The following TFDP2 variants were observed in gnomAD, a reference collection of about 807,000 sequenced individuals.
The protein encoded by TFDP2 is transcription factor Dp-2.
TFDP2 carries 17 observed loss-of-function variants against 59.3 expected under a neutral mutation model. The ratio of observed to expected loss-of-function variants is 0.29; its 90% confidence interval spans 0.20 to 0.43. The LOEUF is 0.43. Among genes scored for constraint, TFDP2 ranks in the 20% least tolerant of loss-of-function variants. The pLI, the probability that TFDP2 is intolerant of heterozygous loss-of-function variation, is 1.00. For synonymous variants in TFDP2, 180 were observed against 194.7 expected, an observed-to-expected ratio of 0.92 and a Z score of 0.63; for missense variants, 391 against 528.8, an observed-to-expected ratio of 0.74 and a Z score of 2.56.
intron 3 of TFDP2, among the ~76,000 whole-genome samples, chr3:142,050,511 C>T (rs1947569698): frequency 6.6e-6 from 1 of 151,754 alleles, no homozygotes; most frequent in South Asian, 2.1e-4. Context: ...CTGGCTAACA[C>T]GGTGAAACCC....
In TFDP2 at chr3:141,993,682, A is replaced by G. The variant is rs998411241; in HGVS notation, c.309-97T>C. On this transcript the variant is annotated intron_variant, in intron 5 of 12. Coordinates refer to ENST00000489671, the MANE Select transcript of TFDP2 (RefSeq NM_001178139.2). ...ATAACTTGTCTAAAATTATACACTGAATATATTCAAAGACTAAAACTAGCA... is the reference window on the plus strand; with the variant it reads ...ATAACTTGTCTAAAATTATACACTGGATATATTCAAAGACTAAAACTAGCA... 6.5e-6 allele frequency: 4 copies of G among 618,550 alleles called. No homozygotes were observed. The African/African-American group carries it at 7.7e-5, about 12-fold the overall frequency. 38.3% of individuals were successfully genotyped at this position (618,550 alleles called of 1,614,324 possible). A position where few individuals can be genotyped will look rare whatever the true frequency, so the allele number is the denominator to read the frequency against.
chr3:141,959,883 G>A (rs771203085), intron 10 of TFDP2, 43 bp from the exon 11 acceptor site: 27 of 1,602,554 alleles, frequency 1.7e-5, no homozygotes, highest in Admixed American at 3.4e-5. Context: ...TGGTGCTGGA[G>A]AGGTCTGAAT....
chr3:141,973,480 G>C (rs574811123), intron 8 of TFDP2, among the ~76,000 whole-genome samples: 25 of 152,058 alleles, frequency 1.6e-4, no homozygotes, highest in Non-Finnish European at 3.5e-4. Context: ...TGCTCATTTA[G>C]GAAGAGTTTT....
At chr3:142,064,724 A>G (rs1188488053) in intron 3 of TFDP2, among the ~76,000 whole-genome samples, 3 of 152,174 alleles carry the variant, frequency 2.0e-5, no homozygotes, top group Non-Finnish European at 4.4e-5. Flanking sequence ...AATGTAAAAC[A>G]ACGTCACTGA....
intron 4 of TFDP2, among the ~76,000 whole-genome samples, chr3:142,002,921 C>T (rs1159719764): frequency 5.9e-5 from 9 of 152,050 alleles, no homozygotes; most frequent in African/African-American, 2.2e-4. Flanking sequence ...ATTCAGAAGG[C>T]TCACTCTCTG....
chr3:142,028,408 C>A (rs1946246118), intron 3 of TFDP2, among the ~76,000 whole-genome samples: 1 of 149,752 alleles, frequency 6.7e-6, no homozygotes, highest in Admixed American at 6.7e-5. Flanking sequence ...CCCCCCCCAC[C>A]CCAACCCCCA....
chr3:142,074,824 C>T (rs751846602), intron 3 of TFDP2, among the ~76,000 whole-genome samples: 4 of 151,990 alleles, frequency 2.6e-5, no homozygotes, highest in Non-Finnish European at 5.9e-5. Flanking sequence ...TGCATTCCAG[C>T]GTGGGCGACA....
In TFDP2 at chr3:142,101,836, A is replaced by C. The variant is rs893162239; in HGVS notation, c.-87T>G. On this transcript the variant is annotated 5_prime_UTR_variant, in exon 2 of 13. Transcript: ENST00000489671. ...TTCGTCTTCAATAATTCTTTAAAAG[A>C]ACAACCTGTTAAAGGAAAACAGAGG... The C allele has an allele frequency of 1.3e-5, 10 of 757,378 alleles. No individual in the cohort carries two copies. Among genetic ancestry groups the C allele is most frequent in the Non-Finnish European group, 1.6e-5 (8 of 506,316 alleles). 46.9% of individuals were successfully genotyped at this position (757,378 alleles called of 1,614,324 possible).
chr3:141,986,114 C>G (rs1385141851), intron 6 of TFDP2, among the ~76,000 whole-genome samples: 1 of 152,154 alleles, frequency 6.6e-6, no homozygotes, highest in Non-Finnish European at 1.5e-5. Flanking sequence ...TGAGCTTAGT[C>G]TATAAAAGAT....
Position 142,043,712 on chromosome 3 carries a change from C to T in TFDP2, c.83-38168G>A, listed in dbSNP as rs894087423. Reference sequence around the variant, plus strand: ...CGTTCTTCACCGTGCTTGCGTGCTTCCTTGGTCTTAGACCTGGGGGCCTCA... The same window carrying T: ...CGTTCTTCACCGTGCTTGCGTGCTTTCTTGGTCTTAGACCTGGGGGCCTCA... On this transcript the variant is annotated intron_variant, in intron 3 of 12. Coordinates refer to ENST00000489671, the MANE Select transcript of TFDP2 (RefSeq NM_001178139.2). 3 of 1,189,994 alleles carry T rather than the reference C, an allele frequency of 2.5e-6. No homozygotes were observed. In the Admixed American group the frequency reaches 5.0e-5, roughly 20 times the overall value. The allele number at this position is 1,189,994 out of a possible 1,614,324, so 73.7% of individuals were successfully genotyped here.
chr3:142,115,680 CT>C (rs2061833072), intron 1 of TFDP2, among the ~76,000 whole-genome samples: 1 of 152,070 alleles, frequency 6.6e-6, no homozygotes, highest in Non-Finnish European at 1.5e-5. Flanking sequence ...TGTTTTTAGT[CT>C]TTTTAAATTT....
chr3:142,069,127 G>C (rs1397941461), intron 3 of TFDP2, among the ~76,000 whole-genome samples: 2 of 152,010 alleles, frequency 1.3e-5, no homozygotes, highest in African/African-American at 4.8e-5. Context: ...TGTTGGCCAG[G>C]CTGGTCTCGA....
chr3:141,959,882 A>G, intron 10 of TFDP2, 42 bp from the exon 11 acceptor site: 1 of 1,602,720 alleles, frequency 6.2e-7, no homozygotes, highest in Non-Finnish European at 8.5e-7. Context: ...GTGGTGCTGG[A>G]GAGGTCTGAA....
At chr3:142,054,578 A>T (rs2059675673) in intron 3 of TFDP2, among the ~76,000 whole-genome samples, 1 of 152,072 alleles carries the variant, frequency 6.6e-6, no homozygotes, top group African/African-American at 2.4e-5. Flanking sequence ...TAATATTAAC[A>T]CCTCGTGTTT....
intron 1 of TFDP2, among the ~76,000 whole-genome samples, chr3:142,113,628 G>A (rs2061740175): frequency 6.6e-6 from 1 of 152,010 alleles, no homozygotes; most frequent in African/African-American, 2.4e-5. Flanking sequence ...TGAACTATAT[G>A]CAAGCATGAA....
intron 6 of TFDP2, chr3:141,989,338 TTAAC>T (rs1942493308): frequency 6.6e-6 from 1 of 152,252 alleles, no homozygotes; most frequent in Non-Finnish European, 1.5e-5. Flanking sequence ...GGCAACAAGC[TTAAC>T]TTCAGGTTGT....
chr3:142,112,064 T>TA (rs551172528), intron 1 of TFDP2, among the ~76,000 whole-genome samples: 66 of 142,912 alleles, frequency 4.6e-4, no homozygotes, highest in Middle Eastern at 3.5e-3. Context: ...AGACTCTGTC[T>TA]AAAAAAAAAA....
chr3:142,048,512 A>T (rs144251332), intron 3 of TFDP2, among the ~76,000 whole-genome samples: 39 of 152,290 alleles, frequency 2.6e-4, no homozygotes, highest in African/African-American at 7.7e-4. Context: ...TCAGATTAAT[A>T]AAATATTTCT....
At chr3:142,043,222 T>C (rs887237483) in intron 3 of TFDP2, among the ~76,000 whole-genome samples, 2 of 150,476 alleles carry the variant, frequency 1.3e-5, no homozygotes, top group African/African-American at 2.5e-5. Context: ...AATTTTTTTG[T>C]ATTTTTAGTA....
Sources: gnomAD v4.1 joint callset for allele counts (sites outside exome capture counted in the v4.1 genomes callset) on GRCh38, gnomAD v4.1.1 for gene constraint, MANE v1.5 for transcripts, NCBI Gene and HGNC (gene_info 2026-07-23, HGNC 2026-07-21) for gene names.